Variants in CACNA1A observed in about 807,000 individuals in gnomAD.
CACNA1A encodes voltage-dependent P/Q-type calcium channel subunit alpha-1A.
In CACNA1A, 57 loss-of-function variants were observed where a neutral mutation model predicts 262.4. That is an observed-to-expected ratio of 0.22 (90% CI 0.18 to 0.27). The LOEUF (loss-of-function observed/expected upper bound fraction) is 0.27, where lower values mean the gene tolerates loss of function less well. Ranked by LOEUF, CACNA1A falls within the 10% of genes least tolerant of loss-of-function variation. The pLI, the probability that CACNA1A is intolerant of heterozygous loss-of-function variation, is 1.00. For synonymous variants in CACNA1A, 1,431 were observed against 1,419.3 expected (o/e 1.01, Z -0.18); for missense variants, 2,526 against 3,562.8 (o/e 0.71, Z 7.41).
chr19:13,466,178 T>C (rs2061232496), intron 1 of CACNA1A, among the ~76,000 whole-genome samples: 2 of 152,142 alleles, frequency 1.3e-5, no homozygotes, highest in South Asian at 4.2e-4. Context: ...AAATTGCACC[T>C]GATTTTTTTT....
intron 22 of CACNA1A, chr19:13,277,359 A>G: frequency 4.3e-6 from 2 of 462,180 alleles, no homozygotes; most frequent in Admixed American, 3.5e-5. Flanking sequence ...AGCAAATCCT[A>G]ACAAAAAAAT....
At chr19:13,437,691 C>CAAAAAAAAAAAAA (rs35266881) in intron 3 of CACNA1A, among the ~76,000 whole-genome samples, 17 of 64,880 alleles carry the variant, frequency 2.6e-4, no homozygotes, top group East Asian at 4.3e-4. Flanking sequence ...AACCCCATCT[C>CAAAAAAAAAAAAA]AAAAAAAAAA....
chr19:13,299,984 A>T (rs1033917451), intron 18 of CACNA1A, among the ~76,000 whole-genome samples: 2 of 152,166 alleles, frequency 1.3e-5, no homozygotes, highest in Admixed American at 1.3e-4. Flanking sequence ...TTGTGTTCCT[A>T]TGAGAATCTA....
At chr19:13,323,586 C>T (rs756856514) in intron 10 of CACNA1A, among the ~76,000 whole-genome samples, 3 of 152,122 alleles carry the variant, frequency 2.0e-5, no homozygotes, top group Non-Finnish European at 4.4e-5. Flanking sequence ...CTTAGCCTCC[C>T]GAGTAGCTGT....
chr19:13,330,414 G>T, intron 9 of CACNA1A, 81 bp from the exon 10 acceptor site: 1 of 975,840 alleles, frequency 1.0e-6, no homozygotes, highest in Non-Finnish European at 1.6e-6. Context: ...TGTGTCCTTG[G>T]ATTTAACTCT....
At position 13,230,116 on chromosome 19, in the gene CACNA1A, C is replaced by G; in HGVS notation, c.5494G>C (p.Val1832Leu). ...GGGTCATACTCGGCCCAGACACGCA[C>G]GTACTCATCCAGGTGGTGGGGGCCC... Reference protein sequence around the residue: ...ILGPHHLDEYVRVWAEYDPAA... With the variant: ...ILGPHHLDEYLRVWAEYDPAA... Residue 1832 changes from valine (V) to leucine (L), a missense_variant, in exon 36 of 47, where the codon GTG (valine) becomes CTG (leucine). Transcript: ENST00000360228. 6.2e-7 allele frequency: 1 copy of G among 1,613,866 alleles called. No individual in the cohort carries two copies.
intron 27 of CACNA1A, chr19:13,258,063 T>C (rs1160110903): frequency 6.5e-6 from 1 of 153,046 alleles, no homozygotes; most frequent in African/African-American, 2.4e-5. Context: ...TCTACTGCTG[T>C]GCATGAAGGG....
intron 43 of CACNA1A, 198 bp from the exon 44 acceptor site, chr19:13,210,850 C>A: frequency 1.6e-6 from 1 of 637,122 alleles, no homozygotes. Flanking sequence ...GTGTCCCAGG[C>A]CCCCGGGGCT....
intron 1 of CACNA1A, among the ~76,000 whole-genome samples, chr19:13,479,677 C>G (rs1979018782): frequency 1.3e-5 from 2 of 152,178 alleles, no homozygotes; most frequent in Non-Finnish European, 2.9e-5. Context: ...AGTCCTGCCA[C>G]CTTCACTCTT....
At position 13,224,777 on chromosome 19, in the gene CACNA1A, A is replaced by G. The variant is rs745490682; in HGVS notation, c.5626-5T>C. On this transcript the variant is annotated splice_polypyrimidine_tract_variant and splice_region_variant and intron_variant, in intron 37 of 46. Coordinates refer to ENST00000360228, the MANE Select transcript of CACNA1A (RefSeq NM_001127222.2). The stretch of plus-strand genomic sequence containing the variant: ...CAGGTCCATCCGCAGAAGCCGCTAC[A>G]GAAAACCCAAGGCAAGCGCAGTCAT... 2.1e-5 allele frequency: 33 copies of G among 1,599,820 alleles called. No homozygotes were observed. The East Asian group carries it at 7.0e-4, about 34-fold the overall frequency.
At chr19:13,463,678 G>T (rs190099449) in intron 1 of CACNA1A, among the ~76,000 whole-genome samples, 1 of 152,258 alleles carries the variant, frequency 6.6e-6, no homozygotes, top group Admixed American at 6.5e-5. Flanking sequence ...ATGTCATCAG[G>T]AAAATCAAAT....
intron 3 of CACNA1A, among the ~76,000 whole-genome samples, chr19:13,438,425 A>G (rs2144865251): frequency 6.6e-6 from 1 of 152,308 alleles, no homozygotes; most frequent in Admixed American, 6.5e-5. Context: ...TTAGAATCCC[A>G]TTGCTGCCAC....
chr19:13,252,964 T>A, intron 30 of CACNA1A, 27 bp downstream of exon 30: 1 of 1,481,596 alleles, frequency 6.7e-7, no homozygotes, highest in East Asian at 2.3e-5. Flanking sequence ...CCCAAGCCCA[T>A]AGCTGTAGCC....
Position 13,214,212 on chromosome 19 carries a change from C to T in CACNA1A, c.5940+21G>A, listed in dbSNP as rs757929335. The T allele has an allele frequency of 2.5e-6, 4 of 1,589,586 alleles. No individual in the cohort carries two copies. The highest frequency in any genetic ancestry group is 2.7e-5 in the African/African-American group (2 of 74,700). On this transcript the variant is annotated intron_variant, in intron 40 of 46. Transcript: ENST00000360228. This position sits in a 1 kb window ranked among gnomAD's most constrained non-coding sequence, Gnocchi z 4.1. ...GCCACTGTCCCCAGCCCAGATGTCC[C>T]CAGAGCGGCGAACAGCGCACCTGCT...
At chr19:13,344,316 A>G (rs2058724885) in intron 6 of CACNA1A, among the ~76,000 whole-genome samples, 1 of 152,192 alleles carries the variant, frequency 6.6e-6, no homozygotes, top group South Asian at 2.1e-4. Context: ...TTAGCAGAAG[A>G]AAAGAAAGGT....
chr19:13,314,793 A>G (rs956698088), intron 11 of CACNA1A, among the ~76,000 whole-genome samples: 2 of 152,206 alleles, frequency 1.3e-5, no homozygotes, highest in Non-Finnish European at 2.9e-5. Flanking sequence ...AAAGTCCTTC[A>G]CAGTATTTAT....
intron 3 of CACNA1A, among the ~76,000 whole-genome samples, chr19:13,431,897 G>A (rs1201072104): frequency 6.6e-6 from 1 of 151,932 alleles, no homozygotes; most frequent in Non-Finnish European, 1.5e-5. Context: ...ACGAGATCAA[G>A]AGATTGACAC....
intron 19 of CACNA1A, among the ~76,000 whole-genome samples, chr19:13,293,559 A>G (rs10423506): frequency 0.34 from 48,359 of 143,202 alleles, 8,782 homozygotes; most frequent in East Asian, 0.68. Flanking sequence ...CCATTCTCCT[A>G]CCTCAGCCTC....
In CACNA1A at chr19:13,375,066, G is replaced by A. The variant is rs146297307; in HGVS notation, c.540-3287C>T. Among the ~76,000 whole-genome samples, 11 of 152,246 alleles carry A rather than the reference G, an allele frequency of 7.2e-5. 1 individual carries two copies. The highest frequency in any genetic ancestry group is 2.4e-4 in the African/African-American group (10 of 41,550). Reference sequence around the variant, plus strand: ...ATTTGTGGCAACCCTGTGTCAAGGAGGTCTATCAGGGCCATTTTTTTTCCA... The same window carrying A: ...ATTTGTGGCAACCCTGTGTCAAGGAAGTCTATCAGGGCCATTTTTTTTCCA... On this transcript the variant is annotated intron_variant, in intron 3 of 46. Transcript: ENST00000360228.
Sources: gnomAD v4.1 joint callset for allele counts (sites outside exome capture counted in the v4.1 genomes callset) on GRCh38, gnomAD v4.1.1 for gene constraint, Gnocchi (gnomAD v3.1) non-coding constraint, MANE v1.5 for transcripts, NCBI Gene and HGNC (gene_info 2026-07-23, HGNC 2026-07-21) for gene names.